The following PTPRD variants were observed in gnomAD, a reference collection of about 807,000 sequenced individuals.
PTPRD encodes the protein protein tyrosine phosphatase receptor type D.
PTPRD carries 34 observed loss-of-function variants against 214.5 expected under a neutral mutation model. That is an observed-to-expected ratio of 0.16 (90% CI 0.12 to 0.21). The LOEUF is 0.21. Among genes scored for constraint, PTPRD ranks in the 10% least tolerant of loss-of-function variants. The pLI, the probability that PTPRD is intolerant of heterozygous loss-of-function variation, is 1.00. For synonymous variants in PTPRD, 1,128 were observed against 845.7 expected (o/e 1.33, Z -5.79); for missense variants, 2,545 against 2,398.7 (o/e 1.06, Z -1.27).
chr9:10,436,616 C>A lies in PTPRD; in HGVS notation c.-599-95599G>T, dbSNP rs908741217. ...ACACACACACATATACACACACACCCCTACACATATGTATATAATGCATAA... is the reference window on the plus strand; with the variant it reads ...ACACACACACATATACACACACACCACTACACATATGTATATAATGCATAA... On this transcript the variant is annotated intron_variant, in intron 2 of 45. Coordinates refer to ENST00000381196, the MANE Select transcript of PTPRD (RefSeq NM_002839.4). 5.3e-5 allele frequency among the ~76,000 whole-genome samples: 8 copies of A among 151,596 alleles called. No individual in the cohort carries two copies. In the Admixed American group the frequency reaches 5.3e-4, roughly 10 times the overall value.
At chr9:9,894,414 G>T (rs1601264766) in intron 5 of PTPRD, among the ~76,000 whole-genome samples, 1 of 151,996 alleles carries the variant, frequency 6.6e-6, no homozygotes, top group Non-Finnish European at 1.5e-5. Context: ...TCTACAATTT[G>T]CCTTTAGCTC....
At chr9:10,388,191 T>A (rs571909141) in intron 2 of PTPRD, among the ~76,000 whole-genome samples, 1 of 151,932 alleles carries the variant, frequency 6.6e-6, no homozygotes, top group South Asian at 2.1e-4. Flanking sequence ...GATGCTATAA[T>A]ATGGGTATTT....
At chr9:9,779,927 G>C (rs1043455279) in intron 5 of PTPRD, among the ~76,000 whole-genome samples, 3 of 152,230 alleles carry the variant, frequency 2.0e-5, no homozygotes, top group African/African-American at 7.2e-5. Context: ...AAAGAAAATA[G>C]GTCATTATGC....
chr9:10,045,255 TA>T (rs2097367581), intron 3 of PTPRD, among the ~76,000 whole-genome samples: 1 of 151,774 alleles, frequency 6.6e-6, no homozygotes, highest in African/African-American at 2.4e-5. Flanking sequence ...ATAAAAATAA[TA>T]TTTTTTTGGA....
At chr9:10,139,906 T>C (rs2098971161) in intron 3 of PTPRD, among the ~76,000 whole-genome samples, 1 of 152,098 alleles carries the variant, frequency 6.6e-6, no homozygotes, top group East Asian at 1.9e-4. Flanking sequence ...GATTAATGAC[T>C]TAAATGAAAG....
intron 12 of PTPRD, among the ~76,000 whole-genome samples, chr9:8,716,976 G>C (rs2098443550): frequency 6.6e-6 from 1 of 152,118 alleles, no homozygotes; most frequent in South Asian, 2.1e-4. Flanking sequence ...GACCAGCCTA[G>C]ACAACGTGGC....
intron 21 of PTPRD, among the ~76,000 whole-genome samples, chr9:8,514,054 T>A (rs2097735227): frequency 6.6e-6 from 1 of 152,136 alleles, no homozygotes; most frequent in Non-Finnish European, 1.5e-5. Context: ...GTCATTAAAT[T>A]AAATCAGAGC....
intron 14 of PTPRD, among the ~76,000 whole-genome samples, chr9:8,601,261 A>G (rs1359956860): frequency 1.3e-5 from 2 of 151,982 alleles, no homozygotes; most frequent in East Asian, 3.9e-4. Flanking sequence ...AAAGTTTTTG[A>G]CTCCAGTCCC....
At chr9:9,863,587 C>T (rs1215253476) in intron 5 of PTPRD, among the ~76,000 whole-genome samples, 1 of 152,180 alleles carries the variant, frequency 6.6e-6, no homozygotes, top group East Asian at 1.9e-4. Flanking sequence ...AAAGTAATGG[C>T]TTCAGAGGAG....
At chr9:10,093,064 C>T (rs993453933) in intron 3 of PTPRD, among the ~76,000 whole-genome samples, 1 of 150,944 alleles carries the variant, frequency 6.6e-6, no homozygotes, top group Non-Finnish European at 1.5e-5. Flanking sequence ...TGATCAAGTC[C>T]CCAAAAGCAA....
intron 11 of PTPRD, among the ~76,000 whole-genome samples, chr9:8,904,676 A>AG (rs1310258898): frequency 1.3e-5 from 2 of 152,020 alleles, no homozygotes; most frequent in African/African-American, 4.8e-5. Context: ...TTAAAAAAAA[A>AG]AAAAAAAAGC....
intron 9 of PTPRD, among the ~76,000 whole-genome samples, chr9:9,359,808 T>C (rs2055305136): frequency 6.6e-6 from 1 of 151,232 alleles, no homozygotes; most frequent in Admixed American, 6.6e-5. Context: ...ATTCAGCAGG[T>C]GTACGGAGTG....
At chr9:9,022,392 T>C (rs577748872) in intron 10 of PTPRD, among the ~76,000 whole-genome samples, 1 of 152,222 alleles carries the variant, frequency 6.6e-6, no homozygotes, top group African/African-American at 2.4e-5. Flanking sequence ...AGGTGTACTA[T>C]TTTTTATCTT....
chr9:8,885,732 G>T (rs1419657346), intron 11 of PTPRD, among the ~76,000 whole-genome samples: 2 of 150,868 alleles, frequency 1.3e-5, no homozygotes, highest in East Asian at 3.9e-4. Context: ...CCTGATCTCA[G>T]GCGAACCACC....
At chr9:9,243,793 T>C (rs193251312) in intron 9 of PTPRD, among the ~76,000 whole-genome samples, 1 of 152,062 alleles carries the variant, frequency 6.6e-6, no homozygotes, top group East Asian at 1.9e-4. Flanking sequence ...TGGCCAGGGC[T>C]ATCAGGCAGG....
At chr9:9,804,812 A>C (rs894583528) in intron 5 of PTPRD, among the ~76,000 whole-genome samples, 7 of 151,362 alleles carry the variant, frequency 4.6e-5, no homozygotes, top group Non-Finnish European at 8.8e-5. Context: ...TCAAAATATA[A>C]TTTTTATAAT....
chr9:10,149,887 C>T (rs1463255653), intron 3 of PTPRD, among the ~76,000 whole-genome samples: 1 of 151,962 alleles, frequency 6.6e-6, no homozygotes, highest in African/African-American at 2.4e-5. Context: ...CCTGCCACAA[C>T]ACCCAGCTAA....
At chr9:10,181,010 G>C (rs1043291215) in intron 3 of PTPRD, among the ~76,000 whole-genome samples, 5 of 152,036 alleles carry the variant, frequency 3.3e-5, no homozygotes, top group African/African-American at 1.2e-4. Flanking sequence ...CATCAGGATT[G>C]TCTTCTACCA....
intron 19 of PTPRD, among the ~76,000 whole-genome samples, chr9:8,522,379 C>T (rs2097909161): frequency 6.6e-6 from 1 of 152,090 alleles, no homozygotes; most frequent in Admixed American, 6.5e-5. Context: ...TAGGGGATGA[C>T]AGGGTTGAAA....
Sources: gnomAD v4.1 joint callset for allele counts (sites outside exome capture counted in the v4.1 genomes callset) on GRCh38, gnomAD v4.1.1 for gene constraint, MANE v1.5 for transcripts, NCBI Gene and HGNC (gene_info 2026-07-23, HGNC 2026-07-21) for gene names.